The following CREB3L2 variants were observed in gnomAD, a reference collection of about 807,000 sequenced individuals.
CREB3L2 encodes the protein cyclic AMP-responsive element-binding protein 3-like protein 2.
Under a neutral mutation model 57.2 loss-of-function variants are expected in CREB3L2, and 23 were observed. That is an observed-to-expected ratio of 0.40 (90% CI 0.29 to 0.57). CREB3L2 has a LOEUF of 0.57. CREB3L2 is among the 20% of genes least tolerant of loss of function. The pLI, the probability that CREB3L2 is intolerant of heterozygous loss-of-function variation, is 0.42. For missense variants in CREB3L2, 628 were observed against 634.7 expected (o/e 0.99, Z 0.11); for synonymous variants, 268 against 265.1 (o/e 1.01, Z -0.11).
At chr7:137,924,921 T>A (rs1047221762) in intron 2 of CREB3L2, among the ~76,000 whole-genome samples, 4 of 152,208 alleles carry the variant, frequency 2.6e-5, no homozygotes, top group African/African-American at 9.7e-5. Flanking sequence ...TTTTTAACTT[T>A]TTTTGGTCAC....
intron 1 of CREB3L2, among the ~76,000 whole-genome samples, chr7:137,947,689 T>C (rs1182868070): frequency 6.6e-6 from 1 of 152,208 alleles, no homozygotes; most frequent in East Asian, 1.9e-4. Flanking sequence ...TTCCTGATGG[T>C]CTAGCCAAGA....
intron 1 of CREB3L2, among the ~76,000 whole-genome samples, chr7:137,998,360 A>G (rs960890799): frequency 6.6e-6 from 1 of 152,254 alleles, no homozygotes; most frequent in Non-Finnish European, 1.5e-5. Context: ...CCCTAGTAAG[A>G]GCAACAAAAG....
intron 1 of CREB3L2, among the ~76,000 whole-genome samples, chr7:137,973,885 T>C (rs773680514): frequency 1.1e-4 from 16 of 152,220 alleles, no homozygotes; most frequent in African/African-American, 1.9e-4. Flanking sequence ...TGAGCTGGCA[T>C]TGCATGTTCT....
chr7:137,996,117 A>C (rs1801985043), intron 1 of CREB3L2, among the ~76,000 whole-genome samples: 1 of 152,230 alleles, frequency 6.6e-6, no homozygotes, highest in Admixed American at 6.5e-5. Context: ...GCCCACTACT[A>C]CCTGGCTATC....
At chr7:137,929,038 G>A (rs543145681) in intron 1 of CREB3L2, among the ~76,000 whole-genome samples, 12 of 152,264 alleles carry the variant, frequency 7.9e-5, no homozygotes, top group African/African-American at 2.9e-4. Flanking sequence ...TTACACTAAG[G>A]TGCCATGCTC....
At chr7:137,888,609 G>A (rs1799474352) in intron 8 of CREB3L2, among the ~76,000 whole-genome samples, 1 of 152,076 alleles carries the variant, frequency 6.6e-6, no homozygotes, top group Non-Finnish European at 1.5e-5. Flanking sequence ...ATTTCTTCAA[G>A]TCCTTGGGCA....
chr7:137,935,884 A>G (rs2117251540), intron 1 of CREB3L2: 1 of 368,930 alleles, frequency 2.7e-6, no homozygotes, highest in African/African-American at 2.2e-5. Flanking sequence ...GCTCTGAAGC[A>G]TTTACGCTTT....
intron 1 of CREB3L2, among the ~76,000 whole-genome samples, chr7:137,969,389 C>A (rs1322424757): frequency 7.1e-6 from 1 of 140,102 alleles, no homozygotes; most frequent in Non-Finnish European, 1.5e-5. Context: ...TGCCGTCGCC[C>A]AGGCTGGAGT....
chr7:137,893,006 T>G (rs558957614), intron 8 of CREB3L2, among the ~76,000 whole-genome samples: 11 of 152,118 alleles, frequency 7.2e-5, no homozygotes, highest in Non-Finnish European at 1.3e-4. Context: ...AAACCTTGAG[T>G]AAATACCTAT....
At chr7:137,979,859 C>G (rs955577815) in intron 1 of CREB3L2, among the ~76,000 whole-genome samples, 1 of 152,186 alleles carries the variant, frequency 6.6e-6, no homozygotes, top group African/African-American at 2.4e-5. Context: ...GAAATGGAGA[C>G]AGCAGGGAGC....
intron 2 of CREB3L2, among the ~76,000 whole-genome samples, chr7:137,922,430 ATATATACG>A (rs1272411852): frequency 0.019 from 948 of 50,482 alleles, 61 homozygotes; most frequent in African/African-American, 0.095. Flanking sequence ...ATATATATAT[ATATATACG>A]TATATATATA....
rs910138164 is a variant in CREB3L2 at position 137,877,111 on chromosome 7, G to A, written c.*3365C>T. ...ACACTTGACTCACTGCCAGAACAAA[G>A]AAGAGCCAATTCAACATCCCAACTT... On this transcript the variant is annotated 3_prime_UTR_variant, in exon 12 of 12. Coordinates refer to ENST00000330387, the MANE Select transcript of CREB3L2 (RefSeq NM_194071.4). 1 of 228,192 alleles carries A rather than the reference G, an allele frequency of 4.4e-6. No homozygotes were observed. Among genetic ancestry groups the A allele is most frequent in the Admixed American group, 5.7e-5 (1 of 17,548 alleles). 14.1% of individuals were successfully genotyped at this position (228,192 alleles called of 1,614,324 possible).
intron 1 of CREB3L2, among the ~76,000 whole-genome samples, chr7:137,937,696 T>C (rs563350250): frequency 1.3e-5 from 2 of 152,250 alleles, no homozygotes; most frequent in East Asian, 1.9e-4. Flanking sequence ...AACTCTTTAT[T>C]ACACCAGAGT....
chr7:137,987,697 T>G (rs1310953858), intron 1 of CREB3L2, among the ~76,000 whole-genome samples: 1 of 152,220 alleles, frequency 6.6e-6, no homozygotes, highest in Admixed American at 6.5e-5. Flanking sequence ...CTTTCTGTTT[T>G]TGGAGAGACA....
intron 1 of CREB3L2, among the ~76,000 whole-genome samples, chr7:137,998,743 C>T (rs545718692): frequency 1.3e-5 from 2 of 152,302 alleles, no homozygotes; most frequent in East Asian, 3.9e-4. Context: ...TCAGCAGGAC[C>T]AGCTACGTAA....
At chr7:137,923,566 C>T (rs562701275) in intron 2 of CREB3L2, among the ~76,000 whole-genome samples, 3 of 152,160 alleles carry the variant, frequency 2.0e-5, no homozygotes, top group Non-Finnish European at 2.9e-5. Flanking sequence ...CATCAGCTCA[C>T]GCTATATGTG....
intron 1 of CREB3L2, among the ~76,000 whole-genome samples, chr7:137,963,143 G>A (rs1478815126): frequency 6.6e-6 from 1 of 152,154 alleles, no homozygotes; most frequent in Non-Finnish European, 1.5e-5. Context: ...TCTAGATAAG[G>A]GTTATGGTCT....
At chr7:137,932,227 C>T (rs973665523) in intron 1 of CREB3L2, among the ~76,000 whole-genome samples, 2 of 152,104 alleles carry the variant, frequency 1.3e-5, no homozygotes, top group Non-Finnish European at 2.9e-5. Context: ...AATTCTATTC[C>T]ATTGTATTTA....
At chr7:137,992,960 G>C (rs1801926817) in intron 1 of CREB3L2, among the ~76,000 whole-genome samples, 2 of 152,236 alleles carry the variant, frequency 1.3e-5, no homozygotes, top group Admixed American at 1.3e-4. Context: ...CCACGCACTT[G>C]AGAAAACCTG....
Sources: allele counts gnomAD v4.1 joint callset (sites outside exome capture counted in the v4.1 genomes callset), GRCh38; gene constraint gnomAD v4.1.1; transcripts MANE v1.5; gene names NCBI Gene and HGNC (gene_info 2026-07-23, HGNC 2026-07-21).